The following ZMIZ1 variants were observed in gnomAD, a reference collection of about 807,000 sequenced individuals.
The protein encoded by ZMIZ1 is zinc finger MIZ domain-containing protein 1.
A neutral mutation model predicts 113.9 loss-of-function variants in ZMIZ1; 17 were observed. The observed-to-expected ratio is 0.15, with a 90% CI of 0.10 to 0.22. ZMIZ1 has a LOEUF of 0.22. Ranked by LOEUF, ZMIZ1 falls within the 10% of genes least tolerant of loss-of-function variation. ZMIZ1 has a pLI of 1.00. For missense variants in ZMIZ1, 1,059 were observed against 1,477.8 expected, an observed-to-expected ratio of 0.72 and a Z score of 4.65; for synonymous variants, 607 against 603.1, an observed-to-expected ratio of 1.01 and a Z score of -0.09.
Position 79,302,230 on chromosome 10 carries a change from CG to C in ZMIZ1, c.2125+23del. 6.2e-7 allele frequency: 1 copy of C among 1,609,394 alleles called. No individual in the cohort carries two copies. On this transcript the variant is annotated intron_variant, in intron 18 of 24. Transcript: ENST00000334512. ...CACGAAAAGTGAGTCAGGGTGGGGA[CG>C]GGGGTGAGGGCCAGACTCCATCCCC...
intron 4 of ZMIZ1, among the ~76,000 whole-genome samples, chr10:79,186,170 A>T (rs1847344940): frequency 6.6e-6 from 1 of 152,190 alleles, no homozygotes; most frequent in Admixed American, 6.5e-5. Flanking sequence ...GGGTCTTCCC[A>T]TCTGAACAAC....
intron 3 of ZMIZ1, among the ~76,000 whole-genome samples, chr10:79,154,220 C>A (rs1480738081): frequency 2.6e-5 from 4 of 152,086 alleles, no homozygotes; most frequent in Admixed American, 2.6e-4. Flanking sequence ...CCATTCTGGT[C>A]CACAAACCCC....
chr10:79,181,332 AGGCTGGAGGTGAGCGGCTGGG>A, intron 4 of ZMIZ1, among the ~76,000 whole-genome samples: 1 of 152,196 alleles, frequency 6.6e-6, no homozygotes, highest in Non-Finnish European at 1.5e-5. Context: ...GCTTCTGAGG[AGGCTGGAGGTGAGCGGCTGGG>A]CAGATGCAGT....
chr10:79,171,479 C>T (rs1193476713), intron 4 of ZMIZ1, among the ~76,000 whole-genome samples: 1 of 152,242 alleles, frequency 6.6e-6, no homozygotes, highest in African/African-American at 2.4e-5. Flanking sequence ...CCCCTCTCCA[C>T]TGCTCTCTCT....
chr10:79,311,053 C>A lies in ZMIZ1; in HGVS notation c.2965C>A (p.Pro989Thr), dbSNP rs757183814. 101 of 1,613,522 alleles carry A rather than the reference C, an allele frequency of 6.3e-5. No individual in the cohort carries two copies. Among genetic ancestry groups the A allele is most frequent in the Non-Finnish European group, 8.5e-5 (100 of 1,180,026 alleles). Residue 989 changes from proline to threonine, a missense_variant, in exon 24 of 25, where the codon CCT becomes ACT. Physicochemically the swap from Pro to Thr is conservative, Grantham distance 38. Transcript: ENST00000334512. ...SGAPPPPPSQ[P>T]PRQPPQAAPS... ...GGCTCCTCCTCCTCCTCCTTCCCAGCCTCCCCGGCAGCCGCCACAGGCCGC... is the reference window on the plus strand; with the variant it reads ...GGCTCCTCCTCCTCCTCCTTCCCAGACTCCCCGGCAGCCGCCACAGGCCGC...
At chr10:79,198,784 A>G (rs913861437) in intron 4 of ZMIZ1, among the ~76,000 whole-genome samples, 3 of 152,252 alleles carry the variant, frequency 2.0e-5, no homozygotes, top group Admixed American at 2.0e-4. Context: ...CTGTAATCCC[A>G]GCACTTTGGG....
intron 7 of ZMIZ1, among the ~76,000 whole-genome samples, chr10:79,251,692 C>T (rs1589491633): frequency 6.6e-6 from 1 of 152,354 alleles, no homozygotes; most frequent in East Asian, 1.9e-4. Flanking sequence ...TCAGGGCTCA[C>T]TCAGTGTTTG....
chr10:79,312,781 T>A lies in ZMIZ1; in HGVS notation c.*32T>A, dbSNP rs1333650325. The stretch of plus-strand genomic sequence containing the variant: ...CCCGGTCGGGGCCATCCCTCCACAC[T>A]CTGCATCCTACCCCACCTACCCAAC... On this transcript the variant is annotated 3_prime_UTR_variant, in exon 25 of 25. Coordinates refer to ENST00000334512, the MANE Select transcript of ZMIZ1 (RefSeq NM_020338.4). 2 of 1,597,718 alleles carry A rather than the reference T, an allele frequency of 1.3e-6. No homozygotes were observed. Among genetic ancestry groups the A allele is most frequent in the South Asian group, 1.1e-5 (1 of 90,760 alleles).
chr10:79,127,208 C>T (rs761942136), intron 2 of ZMIZ1, among the ~76,000 whole-genome samples: 15 of 152,190 alleles, frequency 9.9e-5, no homozygotes, highest in South Asian at 2.1e-4. Context: ...GGCATGCTGC[C>T]GGCGCTCTGG....
chr10:79,133,668 AC>A (rs34690808), intron 2 of ZMIZ1, among the ~76,000 whole-genome samples: 1 of 151,056 alleles, frequency 6.6e-6, no homozygotes, highest in South Asian at 2.1e-4. Context: ...AACACTAAGC[AC>A]CCCCCTCCCC....
intron 7 of ZMIZ1, among the ~76,000 whole-genome samples, chr10:79,275,504 T>TG (rs1852226473): frequency 6.6e-6 from 1 of 152,246 alleles, no homozygotes; most frequent in Admixed American, 6.5e-5. Flanking sequence ...GGCTTTGGGC[T>TG]GACGGGAACC....
intron 7 of ZMIZ1, among the ~76,000 whole-genome samples, chr10:79,218,818 G>A (rs1272361375): frequency 6.6e-6 from 1 of 152,072 alleles, no homozygotes; most frequent in African/African-American, 2.4e-5. Context: ...AGGTAGAAGG[G>A]GAGCATGCAC....
intron 10 of ZMIZ1, 145 bp downstream of exon 10, chr10:79,291,321 T>A: frequency 9.2e-7 from 1 of 1,082,886 alleles, no homozygotes; most frequent in Non-Finnish European, 1.3e-6. Context: ...AGGGGCTCAG[T>A]CATCCCTGGC....
intron 4 of ZMIZ1, among the ~76,000 whole-genome samples, chr10:79,175,448 TG>T (rs753623595): frequency 7.2e-5 from 11 of 152,320 alleles, no homozygotes; most frequent in Non-Finnish European, 1.5e-4. Context: ...GGGTTTGTCC[TG>T]CCCCGATCAG....
chr10:79,087,393 C>T (rs1250002), intron 1 of ZMIZ1, among the ~76,000 whole-genome samples: 39,038 of 152,102 alleles, frequency 0.26, 6,130 homozygotes, highest in African/African-American at 0.44. Flanking sequence ...GGCTGTACCC[C>T]GTGACATTGG....
At chr10:79,164,210 G>A (rs565246832) in intron 4 of ZMIZ1, among the ~76,000 whole-genome samples, 4 of 152,334 alleles carry the variant, frequency 2.6e-5, no homozygotes, top group South Asian at 2.1e-4. Flanking sequence ...CAGCGGCAGC[G>A]TGGGGCTCCG....
intron 4 of ZMIZ1, among the ~76,000 whole-genome samples, chr10:79,200,809 G>A (rs913159314): frequency 1.4e-5 from 2 of 143,132 alleles, no homozygotes; most frequent in African/African-American, 5.2e-5. Context: ...GAGGGCAGAT[G>A]CCACCTGAGA....
chr10:79,256,731 G>T (rs1042530954), intron 7 of ZMIZ1, among the ~76,000 whole-genome samples: 3 of 152,232 alleles, frequency 2.0e-5, no homozygotes, highest in Non-Finnish European at 4.4e-5. Context: ...TCCAGGGTCA[G>T]GCTGCTCTGA....
intron 6 of ZMIZ1, among the ~76,000 whole-genome samples, chr10:79,209,086 G>A (rs375245351): frequency 2.0e-5 from 3 of 152,206 alleles, no homozygotes; most frequent in Admixed American, 6.5e-5. Flanking sequence ...GCTGGGTGGC[G>A]GGGCAGGGTG....
Sources: allele counts gnomAD v4.1 joint callset (sites outside exome capture counted in the v4.1 genomes callset), GRCh38; gene constraint gnomAD v4.1.1; transcripts MANE v1.5; gene names NCBI Gene and HGNC (gene_info 2026-07-23, HGNC 2026-07-21).